The following CTNNA2 variants were observed in gnomAD, a reference collection of about 807,000 sequenced individuals.
CTNNA2 encodes the protein catenin alpha 2, also known as catenin alpha-2.
A neutral mutation model predicts 101.0 loss-of-function variants in CTNNA2; 42 were observed. That is an observed-to-expected ratio of 0.42 (90% CI 0.32 to 0.54). The LOEUF is 0.54. CTNNA2 is among the 20% of genes least tolerant of loss of function. The pLI is 0.14. For missense variants in CTNNA2, 871 were observed against 1,223.1 expected, an observed-to-expected ratio of 0.71 and a Z score of 4.29; for synonymous variants, 450 against 456.4, an observed-to-expected ratio of 0.99 and a Z score of 0.18.
At chr2:79,262,393 T>C (rs1674934338) in intron 2 of CTNNA2, among the ~76,000 whole-genome samples, 1 of 151,990 alleles carries the variant, frequency 6.6e-6, no homozygotes, top group African/African-American at 2.4e-5. Flanking sequence ...ATAATATCAA[T>C]AATGTGGATC....
intron 7 of CTNNA2, among the ~76,000 whole-genome samples, chr2:80,173,895 G>C (rs1246957014): frequency 6.6e-6 from 1 of 152,126 alleles, no homozygotes; most frequent in Non-Finnish European, 1.5e-5. Flanking sequence ...AAGAAGAGCA[G>C]TACACCAGAA....
At chr2:80,530,657 C>T (rs1254268416) in intron 9 of CTNNA2, among the ~76,000 whole-genome samples, 6 of 152,122 alleles carry the variant, frequency 3.9e-5, no homozygotes, top group East Asian at 1.9e-4. Context: ...AGCCTGACCA[C>T]GTGGGAGGAG....
chr2:79,923,472 GTA>G (rs1355897597), intron 7 of CTNNA2, among the ~76,000 whole-genome samples: 1 of 152,006 alleles, frequency 6.6e-6, no homozygotes, highest in East Asian at 1.9e-4. Context: ...AGTAATAATT[GTA>G]TATATTTATG....
At chr2:79,207,826 T>C (rs1674120544) in intron 2 of CTNNA2, among the ~76,000 whole-genome samples, 1 of 152,180 alleles carries the variant, frequency 6.6e-6, no homozygotes, top group African/African-American at 2.4e-5. Context: ...AGGAAAACAT[T>C]AGGACCATGG....
chr2:79,925,421 A>G (rs2104397065), intron 7 of CTNNA2, among the ~76,000 whole-genome samples: 1 of 152,236 alleles, frequency 6.6e-6, no homozygotes, highest in South Asian at 2.1e-4. Context: ...CAGGACAACC[A>G]TTAGGGAAGT....
At chr2:79,625,716 A>G (rs1466246815) in intron 1 of CTNNA2, among the ~76,000 whole-genome samples, 1 of 152,172 alleles carries the variant, frequency 6.6e-6, no homozygotes, top group Admixed American at 6.5e-5. Context: ...GAGCCTAAAG[A>G]AAGAATCATC....
At chr2:79,410,198 T>G (rs1678392883) in intron 4 of CTNNA2, among the ~76,000 whole-genome samples, 1 of 146,696 alleles carries the variant, frequency 6.8e-6, no homozygotes, top group South Asian at 2.3e-4. Context: ...AAGGAGATTT[T>G]GGGCTGAGAC....
intron 7 of CTNNA2, among the ~76,000 whole-genome samples, chr2:80,181,955 C>T (rs1705812873): frequency 6.6e-6 from 1 of 152,208 alleles, no homozygotes; most frequent in African/African-American, 2.4e-5. Flanking sequence ...CCTTAAAATT[C>T]TGTTCCTCTA....
intron 8 of CTNNA2, among the ~76,000 whole-genome samples, chr2:80,398,903 C>T (rs1678297480): frequency 6.6e-6 from 1 of 151,136 alleles, no homozygotes; most frequent in African/African-American, 2.4e-5. Flanking sequence ...TCAGAAACAC[C>T]AAAAATTAGA....
rs1553373411 is a variant in CTNNA2 at position 79,818,847 on chromosome 2, ATG to A, written c.299-39165_299-39164del. ...TATATATATATATATATATATATATATGGATGTATGTGTATCATATTAAGTAA... is the reference window on the plus strand; with the variant it reads ...TATATATATATATATATATATATATAGATGTATGTGTATCATATTAAGTAA... On this transcript the variant is annotated intron_variant, in intron 3 of 18. Coordinates refer to ENST00000402739, the MANE Select transcript of CTNNA2 (RefSeq NM_001282597.3). 4.4e-5 allele frequency among the ~76,000 whole-genome samples: 6 copies of A among 137,214 alleles called. 1 individual carries two copies. The highest frequency in any genetic ancestry group is 4.5e-4 in the East Asian group (2 of 4,478). 90.0% of individuals were successfully genotyped at this position (137,214 alleles called of 152,430 possible). A position where few individuals can be genotyped will look rare whatever the true frequency, so the allele number is the denominator to read the frequency against.
intron 4 of CTNNA2, among the ~76,000 whole-genome samples, chr2:79,386,665 C>A (rs562534098): frequency 6.6e-6 from 1 of 152,304 alleles, no homozygotes; most frequent in Non-Finnish European, 1.5e-5. Context: ...CCTCTCCTTT[C>A]ATGTTGAAAC....
chr2:79,478,822 C>A (rs917035032), intron 4 of CTNNA2, among the ~76,000 whole-genome samples: 1 of 152,104 alleles, frequency 6.6e-6, no homozygotes, highest in Non-Finnish European at 1.5e-5. Flanking sequence ...AGTATAATAC[C>A]CAACTGGCCC....
intron 4 of CTNNA2, among the ~76,000 whole-genome samples, chr2:79,375,088 T>C (rs1677952389): frequency 1.3e-5 from 2 of 152,198 alleles, no homozygotes; most frequent in African/African-American, 4.8e-5. Flanking sequence ...CGTAAATTGT[T>C]TGTTGTTGGG....
intron 3 of CTNNA2, among the ~76,000 whole-genome samples, chr2:79,799,585 G>A (rs1016362413): frequency 6.6e-6 from 1 of 152,086 alleles, no homozygotes; most frequent in African/African-American, 2.4e-5. Context: ...AGATTTGGAG[G>A]TATCAGTTAG....
At chr2:79,541,491 G>A (rs1673419172) in intron 1 of CTNNA2, among the ~76,000 whole-genome samples, 2 of 146,242 alleles carry the variant, frequency 1.4e-5, no homozygotes, top group Non-Finnish European at 1.5e-5. Context: ...ATGTACTAAA[G>A]GATATATTTA....
intron 2 of CTNNA2, among the ~76,000 whole-genome samples, chr2:79,721,414 C>G (rs984864180): frequency 1.3e-5 from 2 of 152,152 alleles, no homozygotes; most frequent in African/African-American, 4.8e-5. Context: ...GCCACCAGTC[C>G]TAAAATGGGG....
intron 3 of CTNNA2, among the ~76,000 whole-genome samples, chr2:79,340,677 C>CA (rs1225160413): frequency 1.3e-5 from 2 of 151,684 alleles, no homozygotes; most frequent in South Asian, 2.1e-4. Flanking sequence ...ACTAAAAATA[C>CA]AAAAATTTAG....
At chr2:79,968,660 A>G (rs1690253780) in intron 7 of CTNNA2, among the ~76,000 whole-genome samples, 1 of 152,172 alleles carries the variant, frequency 6.6e-6, no homozygotes, top group South Asian at 2.1e-4. Flanking sequence ...CAAACAACAC[A>G]AAAAACAAAA....
chr2:79,198,684 G>C (rs1673993527), intron 2 of CTNNA2, among the ~76,000 whole-genome samples: 1 of 143,692 alleles, frequency 7.0e-6, no homozygotes, highest in South Asian at 2.1e-4. Flanking sequence ...GCTACTCATT[G>C]ATCAATTTAT....
Sources: allele counts gnomAD v4.1 joint callset (sites outside exome capture counted in the v4.1 genomes callset), GRCh38; gene constraint gnomAD v4.1.1; transcripts MANE v1.5; gene names NCBI Gene and HGNC (gene_info 2026-07-23, HGNC 2026-07-21).